The following ADAM22 variants were observed in gnomAD, a reference collection of about 807,000 sequenced individuals.
ADAM22 encodes ADAM metallopeptidase domain 22.
In ADAM22, 65 loss-of-function variants were observed where a neutral mutation model predicts 144.6. The observed-to-expected ratio is 0.45, with a 90% CI of 0.37 to 0.55. The LOEUF is 0.55. Among genes scored for constraint, ADAM22 ranks in the 20% least tolerant of loss-of-function variants. ADAM22 has a pLI of 0.00. For missense variants in ADAM22, 974 were observed against 1,184.9 expected (o/e 0.82, Z 2.61); for synonymous variants, 391 against 412.6 (o/e 0.95, Z 0.63).
At chr7:88,060,050 G>A (rs1198252663) in intron 3 of ADAM22, among the ~76,000 whole-genome samples, 2 of 152,054 alleles carry the variant, frequency 1.3e-5, no homozygotes, top group East Asian at 1.9e-4. Context: ...AGTCTAGTAA[G>A]TGTGCAACAG....
intron 3 of ADAM22, among the ~76,000 whole-genome samples, chr7:88,002,433 C>T (rs1374372376): frequency 6.6e-6 from 1 of 152,120 alleles, no homozygotes; most frequent in East Asian, 1.9e-4. Flanking sequence ...GGAATCCATC[C>T]CTCCCAAACC....
rs1842840876 is a variant in ADAM22 at position 88,165,928 on chromosome 7, A to G, written c.2173A>G (p.Ile725Val). ...FPHNDDAKTG[I>V]TLSGNGVAGT... ...TCACAATGATGATGCAAAGACTGGT[A>G]TCACTCTGTCTGGCAATGGTAAGTA... The change falls in exon 24 of 32, where the codon ATC (isoleucine) becomes GTC (valine). Residue 725 changes from isoleucine (I) to valine (V), a missense_variant. By Grantham distance (29) the Ile-to-Val change is conservative. Around this residue, in one of 2 missense-constraint regions of ADAM22, gnomAD observed 734 missense variants for 950.6 expected, o/e 0.77. Coordinates refer to ENST00000413139, the MANE Select transcript of ADAM22 (RefSeq NM_001324418.2). 2 of 1,610,230 alleles carry G rather than the reference A, an allele frequency of 1.2e-6. No individual in the cohort carries two copies.
intron 6 of ADAM22, among the ~76,000 whole-genome samples, chr7:88,115,178 T>C (rs879375830): frequency 1.3e-5 from 2 of 152,158 alleles, no homozygotes; most frequent in Non-Finnish European, 1.5e-5. Context: ...CTCCTGCCAC[T>C]GCGCTCCAGC....
chr7:88,104,021 C>T (rs1435673617), intron 4 of ADAM22, among the ~76,000 whole-genome samples: 2 of 152,100 alleles, frequency 1.3e-5, no homozygotes, highest in Admixed American at 1.3e-4. Flanking sequence ...ATGTCTAGTA[C>T]TCTATCCTGC....
At chr7:88,144,050 T>G (rs540232943) in intron 15 of ADAM22, among the ~76,000 whole-genome samples, 7 of 152,348 alleles carry the variant, frequency 4.6e-5, no homozygotes, top group Admixed American at 4.6e-4. Flanking sequence ...CTGTTTTTTA[T>G]TTGTTATGAT....
chr7:88,076,655 A>G (rs1814597760), intron 4 of ADAM22, among the ~76,000 whole-genome samples: 1 of 152,198 alleles, frequency 6.6e-6, no homozygotes, highest in East Asian at 1.9e-4. Context: ...TAACACAAAA[A>G]TAAAAGCCTC....
chr7:87,965,365 G>A (rs1020990970), intron 2 of ADAM22, among the ~76,000 whole-genome samples: 6 of 152,120 alleles, frequency 3.9e-5, no homozygotes, highest in African/African-American at 9.7e-5. Context: ...ACTTTTAGAC[G>A]AGTGAGATAT....
intron 22 of ADAM22, among the ~76,000 whole-genome samples, chr7:88,162,130 A>ACACACACACACC (rs774035065): frequency 2.7e-5 from 4 of 150,206 alleles, no homozygotes; most frequent in Non-Finnish European, 6.0e-5. Flanking sequence ...ACACACACAC[A>ACACACACACACC]CACCATGGAA....
At chr7:88,144,366 A>C (rs1411057341) in intron 15 of ADAM22, among the ~76,000 whole-genome samples, 1 of 152,200 alleles carries the variant, frequency 6.6e-6, no homozygotes, top group Admixed American at 6.5e-5. Context: ...AAAGAGAACA[A>C]AGTTGATGAA....
chr7:88,040,412 G>A (rs539926964), intron 3 of ADAM22, among the ~76,000 whole-genome samples: 102 of 152,000 alleles, frequency 6.7e-4, no homozygotes, highest in Non-Finnish European at 1.2e-3. Context: ...GATTACAGGC[G>A]TGAGCCACTG....
rs1206344442 is a variant in ADAM22, at chr7:88,199,558, GCAGGCTGGAAATGATCCC to G, written c.*3072_*3089del. On this transcript the variant is annotated 3_prime_UTR_variant, in exon 32 of 32. Transcript: ENST00000413139. Reference sequence around the variant, plus strand: ...GAAGTGGCATGGTCCTCTGAACGCTGCAGGCTGGAAATGATCCCCAGGGCACATGCAATCTGTGGAAAG... The same window carrying G: ...GAAGTGGCATGGTCCTCTGAACGCTGCAGGGCACATGCAATCTGTGGAAAG... 4 of 152,270 alleles carry G rather than the reference GCAGGCTGGAAATGATCCC, an allele frequency of 2.6e-5. No homozygotes were observed. Among genetic ancestry groups the G allele is most frequent in the African/African-American group, 9.7e-5 (4 of 41,436 alleles). 9.4% of individuals were successfully genotyped at this position (152,270 alleles called of 1,614,324 possible).
At chr7:87,990,844 T>C (rs1266713072) in intron 3 of ADAM22, among the ~76,000 whole-genome samples, 1 of 152,100 alleles carries the variant, frequency 6.6e-6, no homozygotes, top group East Asian at 1.9e-4. Flanking sequence ...TTTGTATTTT[T>C]AGTAGAGACG....
intron 3 of ADAM22, among the ~76,000 whole-genome samples, chr7:88,002,266 G>A (rs1049549906): frequency 3.9e-5 from 6 of 152,168 alleles, no homozygotes; most frequent in African/African-American, 1.4e-4. Context: ...CATTTCAGTA[G>A]GGAGGACTGC....
chr7:88,004,805 T>C (rs1003115828), intron 3 of ADAM22, among the ~76,000 whole-genome samples: 1 of 152,218 alleles, frequency 6.6e-6, no homozygotes, highest in Non-Finnish European at 1.5e-5. Context: ...TAAATACTCT[T>C]AAACAATATG....
chr7:88,134,017 A>T (rs1832437932), intron 12 of ADAM22, among the ~76,000 whole-genome samples: 1 of 152,230 alleles, frequency 6.6e-6, no homozygotes, highest in African/African-American at 2.4e-5. Context: ...GGATTTAATT[A>T]TATACCAATA....
chr7:87,962,812 G>T (rs183264435), intron 2 of ADAM22, among the ~76,000 whole-genome samples: 1 of 151,998 alleles, frequency 6.6e-6, no homozygotes, highest in Admixed American at 6.6e-5. Flanking sequence ...ACTGTTTTTC[G>T]CAGTTAATAA....
chr7:88,143,146 G>C (rs1370485950), intron 15 of ADAM22, 21 bp downstream of exon 15: 1 of 1,439,292 alleles, frequency 6.9e-7, no homozygotes, highest in African/African-American at 1.4e-5. Flanking sequence ...TGGTTAATAA[G>C]GTTTATAATA....
chr7:87,996,019 A>G (rs1791128597), intron 3 of ADAM22, among the ~76,000 whole-genome samples: 1 of 152,090 alleles, frequency 6.6e-6, no homozygotes, highest in African/African-American at 2.4e-5. Context: ...GAGATATTGC[A>G]CTCTTGATCT....
At chr7:88,000,007 A>G (rs1792153442) in intron 3 of ADAM22, among the ~76,000 whole-genome samples, 1 of 151,712 alleles carries the variant, frequency 6.6e-6, no homozygotes. Flanking sequence ...AAAAAAAATT[A>G]TTTGCCATAA....
Sources: allele counts gnomAD v4.1 joint callset (sites outside exome capture counted in the v4.1 genomes callset), GRCh38; gene constraint gnomAD v4.1.1; regional missense constraint gnomAD v4.1.1; transcripts MANE v1.5; gene names NCBI Gene and HGNC (gene_info 2026-07-23, HGNC 2026-07-21).